Variants in XRCC6 observed in about 807,000 individuals in gnomAD.
The protein encoded by XRCC6 is X-ray repair cross complementing 6.
XRCC6 carries 5 observed loss-of-function variants against 65.7 expected under a neutral mutation model. That is an observed-to-expected ratio of 0.08 (90% CI 0.04 to 0.16). The LOEUF is 0.16. XRCC6 is among the 10% of genes least tolerant of loss of function. The probability of loss-of-function intolerance (pLI) is 1.00; values close to 1 mark genes in which losing one functional copy is unlikely to be tolerated. For missense variants in XRCC6, 447 were observed against 738.1 expected, an observed-to-expected ratio of 0.61 and a Z score of 4.57; for synonymous variants, 270 against 270.6, an observed-to-expected ratio of 1.00 and a Z score of 0.02.
At chr22:41,648,192 T>C (rs1346279302) in intron 7 of XRCC6, 2 of 151,984 alleles carry the variant, frequency 1.3e-5, no homozygotes, top group Admixed American at 6.6e-5. Flanking sequence ...GGACGAGCCA[T>C]GTGCACCTTT....
chr22:41,657,529 A>ATTT (rs2068056856), intron 10 of XRCC6, among the ~76,000 whole-genome samples: 3 of 76,982 alleles, frequency 3.9e-5, no homozygotes. Context: ...TATTATTATT[A>ATTT]TTATTATTTT....
At chr22:41,631,478 A>C in intron 3 of XRCC6, among the ~76,000 whole-genome samples, 1 of 138,320 alleles carries the variant, frequency 7.2e-6, no homozygotes, top group Admixed American at 7.2e-5. Flanking sequence ...GACGCTCCTC[A>C]CCTCCCAGAC....
intron 6 of XRCC6, among the ~76,000 whole-genome samples, chr22:41,641,587 C>G (rs749751179): frequency 8.1e-4 from 123 of 152,164 alleles, no homozygotes; most frequent in Admixed American, 1.6e-3. Context: ...ATTAACCATC[C>G]CCACTGCCCC....
chr22:41,636,993 C>T (rs775584251), intron 5 of XRCC6, among the ~76,000 whole-genome samples: 10 of 151,560 alleles, frequency 6.6e-5, no homozygotes, highest in Non-Finnish European at 1.2e-4. Flanking sequence ...TAAAGTGAAG[C>T]CAGAAGATGC....
intron 7 of XRCC6, among the ~76,000 whole-genome samples, chr22:41,649,304 C>T (rs1406987694): frequency 6.7e-6 from 1 of 150,280 alleles, no homozygotes; most frequent in Non-Finnish European, 1.5e-5. Flanking sequence ...GTAGCTGGGA[C>T]TACAGGCTCA....
chr22:41,636,286 A>G (rs934548642), intron 4 of XRCC6, 35 bp downstream of exon 4: 10 of 1,560,956 alleles, frequency 6.4e-6, no homozygotes, highest in African/African-American at 1.4e-5. Flanking sequence ...TTTCCCTTAT[A>G]TATGAGAATA....
In XRCC6 at chr22:41,628,171, A is replaced by G; in HGVS notation, c.136A>G (p.Lys46Glu). The G allele has an allele frequency of 6.2e-7, 1 of 1,614,066 alleles. No homozygotes were observed. Among genetic ancestry groups the G allele is most frequent in the East Asian group, 2.2e-5 (1 of 44,884 alleles). ...TTTGATTTTTTTGGTTGATGCCTCC[A>G]AGGCTATGTTTGAATCTCAGAGTGA... ...DSLIFLVDAS[K>E]AMFESQSEDE... The change falls in exon 3 of 13, where the codon AAG becomes GAG. Residue 46 changes from lysine to glutamate, a missense_variant. Physicochemically the swap from Lys to Glu is moderately conservative, Grantham distance 56 (BLOSUM62 1). Transcript: ENST00000360079.
intron 3 of XRCC6, among the ~76,000 whole-genome samples, chr22:41,630,091 C>G (rs1261717056): frequency 6.7e-6 from 1 of 149,894 alleles, no homozygotes; most frequent in Non-Finnish European, 1.5e-5. Context: ...TCAAGCGATT[C>G]TCCTGCCTCA....
chr22:41,632,724 G>A (rs1381249132), intron 3 of XRCC6, among the ~76,000 whole-genome samples: 1 of 151,950 alleles, frequency 6.6e-6, no homozygotes, highest in Non-Finnish European at 1.5e-5. Flanking sequence ...TCAGGAGGCC[G>A]GGGTGAGAGG....
rs954057100 is a variant in XRCC6, at chr22:41,632,093, G to A, written c.195+3863G>A. ...GATGGCAGCAGTACAGTCCAGCTTC[G>A]GCTCGGCATCAGAGGGAGACCGTGG... On this transcript the variant is annotated intron_variant, in intron 3 of 12. Coordinates refer to ENST00000360079, the MANE Select transcript of XRCC6 (RefSeq NM_001469.5). Among the ~76,000 whole-genome samples the A allele has an allele frequency of 4.0e-5, 6 of 151,226 alleles. No homozygotes were observed. In the South Asian group the frequency reaches 1.0e-3, roughly 26 times the overall value.
chr22:41,627,560 G>A (rs926311483), intron 2 of XRCC6, among the ~76,000 whole-genome samples: 1 of 141,278 alleles, frequency 7.1e-6, no homozygotes, highest in African/African-American at 2.7e-5. Flanking sequence ...GTAGTAAGCC[G>A]AGATTGTGCC....
At chr22:41,632,114 C>T (rs1031874142) in intron 3 of XRCC6, among the ~76,000 whole-genome samples, 2 of 143,168 alleles carry the variant, frequency 1.4e-5, no homozygotes, top group East Asian at 4.0e-4. Context: ...AGAGGGAGAC[C>T]GTGGAAAGAG....
At chr22:41,623,697 C>G (rs944511083) in intron 2 of XRCC6, among the ~76,000 whole-genome samples, 2 of 150,308 alleles carry the variant, frequency 1.3e-5, no homozygotes, top group African/African-American at 4.9e-5. Flanking sequence ...TATCTGATTT[C>G]TTGTATTGTA....
chr22:41,658,662 T>A (rs2147116200), intron 11 of XRCC6, among the ~76,000 whole-genome samples: 1 of 152,352 alleles, frequency 6.6e-6, no homozygotes, highest in African/African-American at 2.4e-5. Flanking sequence ...ATGCCTGTAA[T>A]CCCAGCACTT....
chr22:41,625,858 T>C (rs1184087261), intron 2 of XRCC6, among the ~76,000 whole-genome samples: 4 of 152,212 alleles, frequency 2.6e-5, no homozygotes, highest in Admixed American at 2.6e-4. Context: ...TTTATTTTTT[T>C]ATTTGAGATG....
At chr22:41,638,187 C>T (rs560128533) in intron 6 of XRCC6, among the ~76,000 whole-genome samples, 5 of 152,194 alleles carry the variant, frequency 3.3e-5, no homozygotes, top group South Asian at 2.1e-4. Context: ...CCCTCCATTT[C>T]GTGGGGGTAG....
At chr22:41,657,079 C>G (rs533365754) in intron 10 of XRCC6, 47 bp downstream of exon 10, 1 of 1,525,214 alleles carries the variant, frequency 6.6e-7, no homozygotes, top group African/African-American at 1.4e-5. Context: ...AGTTGAAAAT[C>G]TTATTAGAAA....
rs56354308 is a variant in XRCC6 at position 41,637,502 on chromosome 22, A to T, written c.590-106A>T. Reference sequence around the variant, plus strand: ...TAAGTCCTGAAAATGTTAATAGTCTAGTTTTCAGGGAGCTTTTAAAAGCAT... The same window carrying T: ...TAAGTCCTGAAAATGTTAATAGTCTTGTTTTCAGGGAGCTTTTAAAAGCAT... On this transcript the variant is annotated intron_variant, in intron 5 of 12. Coordinates refer to ENST00000360079, the MANE Select transcript of XRCC6 (RefSeq NM_001469.5). 4.0e-6 allele frequency: 4 copies of T among 1,009,024 alleles called. No individual in the cohort carries two copies. In the African/African-American group the frequency reaches 6.6e-5, roughly 17 times the overall value. 62.5% of individuals were successfully genotyped at this position (1,009,024 alleles called of 1,614,324 possible).
At chr22:41,633,200 CA>C (rs1601533426) in intron 3 of XRCC6, among the ~76,000 whole-genome samples, 1 of 152,092 alleles carries the variant, frequency 6.6e-6, no homozygotes, top group African/African-American at 2.4e-5. Flanking sequence ...AAGTGGTTCT[CA>C]AACAGAATTA....
Sources: gnomAD v4.1 joint callset for allele counts (sites outside exome capture counted in the v4.1 genomes callset) on GRCh38, gnomAD v4.1.1 for gene constraint, MANE v1.5 for transcripts, NCBI Gene and HGNC (gene_info 2026-07-23, HGNC 2026-07-21) for gene names.